The following SFXN3 variants were observed in gnomAD, a reference collection of about 807,000 sequenced individuals.
SFXN3 encodes sideroflexin-3.
In SFXN3, 31 loss-of-function variants were observed where a neutral mutation model predicts 40.4. That is an observed-to-expected ratio of 0.77 (90% CI 0.58 to 1.04). The LOEUF (loss-of-function observed/expected upper bound fraction) is 1.04, where lower values mean the gene tolerates loss of function less well. Ranked by LOEUF, SFXN3 falls within the 50% of genes least tolerant of loss-of-function variation. SFXN3 has a pLI of 0.00. For missense variants in SFXN3, 366 were observed against 408.2 expected (o/e 0.90, Z 0.89); for synonymous variants, 157 against 160.0 (o/e 0.98, Z 0.14).
intron 4 of SFXN3, 34 bp downstream of exon 4, chr10:101,035,701 C>G: frequency 6.3e-7 from 1 of 1,583,958 alleles, no homozygotes; most frequent in Non-Finnish European, 8.6e-7. Context: ...TCTTCAGTGC[C>G]CTAAGCTAGA....
At chr10:101,040,347 A>G (rs1449930593) in exon 12 of SFXN3, 1 of 152,258 alleles carries the variant, frequency 6.6e-6, no homozygotes, top group Non-Finnish European at 1.5e-5. Flanking sequence ...GTGTGCTCTG[A>G]CATCATGACC....
rs1172431476 is a variant in SFXN3 at position 101,040,278 on chromosome 10, T to TC, written c.*698dup. On this transcript the variant is annotated 3_prime_UTR_variant, in exon 12 of 12. Transcript: ENST00000393459. ...TGTGTCCTGTACTGCCCTCGCTGTC[T>TC]CCCCCACCACCCTACTTGACAGCGT... 2.0e-5 allele frequency: 3 copies of TC among 152,412 alleles called. No homozygotes were observed. In the East Asian group the frequency reaches 5.8e-4, roughly 29 times the overall value. 9.4% of individuals were successfully genotyped at this position (152,412 alleles called of 1,614,324 possible).
intron 7 of SFXN3, 45 bp from the exon 8 acceptor site, chr10:101,037,031 G>A (rs757704169): frequency 1.2e-6 from 2 of 1,608,374 alleles, no homozygotes; most frequent in African/African-American, 2.7e-5. Flanking sequence ...CATTGCAGGT[G>A]GGATCCGGGG....
chr10:101,036,035 T>G lies in SFXN3; in HGVS notation c.365T>G (p.Val122Gly). The G allele has an allele frequency of 6.2e-7, 1 of 1,614,034 alleles. No homozygotes were observed. The highest frequency in any genetic ancestry group is 8.5e-7 in the Non-Finnish European group (1 of 1,179,984). ...CCAACCGTGGTGTTCTGGCAGTGGG[T>G]GAATCAGTCCTTCAATGCCATTGTT... Residue 122 changes from valine (V) to glycine (G), a missense_variant, in exon 5 of 12, where the codon GTG becomes GGG. Val to Gly is a moderately radical substitution (Grantham distance 109). Transcript: ENST00000393459. This position sits in a 1 kb window ranked among gnomAD's most constrained non-coding sequence, Gnocchi z 4.2.
At position 101,036,994 on chromosome 10, in the gene SFXN3, A is replaced by G; in HGVS notation, c.594-82A>G. ...CTTTGAGCCTGGGGTGTGTGAGGGG[A>G]CCCTGAGGAGCCGCTGCTCATTCGG... is the stretch of plus-strand genomic sequence containing the variant. On this transcript the variant is annotated intron_variant, in intron 7 of 11. Transcript: ENST00000393459. This position sits in a 1 kb window ranked among gnomAD's most constrained non-coding sequence, Gnocchi z 4.2. 1 of 1,575,964 alleles carries G rather than the reference A, an allele frequency of 6.3e-7. No individual in the cohort carries two copies. The highest frequency in any genetic ancestry group is 2.3e-5 in the East Asian group (1 of 44,188).
In SFXN3 at chr10:101,037,101, G is replaced by A. The variant is rs1271432080; in HGVS notation, c.619G>A (p.Ala207Thr). 1.9e-6 allele frequency: 3 copies of A among 1,613,810 alleles called. No individual in the cohort carries two copies. In the African/African-American group the frequency reaches 4.0e-5, roughly 22 times the overall value. The change falls in exon 8 of 12, where the codon GCT becomes ACT. Residue 207 changes from alanine to threonine, a missense_variant. By Grantham distance (58) the Ala-to-Thr change is moderately conservative (BLOSUM62 0). Transcript: ENST00000393459. ...AGAGCTGCAGGTGGGCATCCCGGTG[G>A]CTGATGAGGCAGGTCAGAGGCTTGG...
intron 3 of SFXN3, among the ~76,000 whole-genome samples, chr10:101,035,197 C>T (rs563870636): frequency 6.6e-6 from 1 of 152,364 alleles, no homozygotes; most frequent in East Asian, 1.9e-4. Context: ...GGAGGAAAAA[C>T]TCTTGCAATG....
intron 1 of SFXN3, chr10:101,032,112 C>T (rs1197022282): frequency 3.8e-6 from 1 of 261,464 alleles, no homozygotes; most frequent in Non-Finnish European, 7.2e-6. Context: ...CCGCTTGCTG[C>T]AGGGCTGGGG....
chr10:101,037,729 CT>C, intron 9 of SFXN3: 1 of 1,346,004 alleles, frequency 7.4e-7, no homozygotes, highest in South Asian at 1.7e-5. Context: ...CATGCTCATT[CT>C]TTTACCCCCT....
Position 101,039,548 on chromosome 10 carries a change from C to G in SFXN3, c.929C>G (p.Pro310Arg). 6.2e-7 allele frequency: 1 copy of G among 1,614,114 alleles called. No individual in the cohort carries two copies. Residue 310 changes from proline (P) to arginine (R), a missense_variant, in exon 12 of 12, where the codon CCC (proline) becomes CGC (arginine). Pro to Arg is a moderately radical substitution (Grantham distance 103). Coordinates refer to ENST00000393459, the Ensembl canonical transcript of SFXN3. This position sits in a 1 kb window ranked among gnomAD's most constrained non-coding sequence, Gnocchi z 4.6. ...AGAGCTCAGATCCATGAGCAAAACC[C>G]CAGCGTTGAAGTGGTCTACTACAAC...
chr10:101,037,071 T>G lies in SFXN3; in HGVS notation c.594-5T>G. On this transcript the variant is annotated splice_region_variant and splice_polypyrimidine_tract_variant and intron_variant, in intron 7 of 11. Coordinates refer to ENST00000393459, the Ensembl canonical transcript of SFXN3. ...TGATCTGACCCCAACCCCCCTCCCT[T>G]GCAGAGAGCTGCAGGTGGGCATCCC... 6.2e-7 allele frequency: 1 copy of G among 1,613,524 alleles called. No homozygotes were observed. Among genetic ancestry groups the G allele is most frequent in the East Asian group, 2.2e-5 (1 of 44,862 alleles).
At chr10:101,038,180 A>C in intron 9 of SFXN3, 466 of 529,278 alleles carry the variant, frequency 8.8e-4, no homozygotes, top group Middle Eastern at 2.5e-3. Context: ...GTGCAAGGGC[A>C]CTGCAGTAGG....
chr10:101,037,373 T>TC lies in SFXN3; in HGVS notation c.722-5dup. 3 of 1,614,060 alleles carry TC rather than the reference T, an allele frequency of 1.9e-6. No individual in the cohort carries two copies. The highest frequency in any genetic ancestry group is 2.5e-6 in the Non-Finnish European group (3 of 1,180,022). On this transcript the variant is annotated splice_polypyrimidine_tract_variant and intron_variant, in intron 8 of 11. Transcript: ENST00000393459. ...AATGTTCTCCTTCTTGGCCCTGCTC[T>TC]CCCCACAGCCATCCCACCACTGATC...
intron 3 of SFXN3, 42 bp from the exon 4 acceptor site, chr10:101,035,455 G>A (rs746606449): frequency 6.4e-7 from 1 of 1,563,944 alleles, no homozygotes; most frequent in Non-Finnish European, 8.7e-7. Context: ...GGGCAGATCT[G>A]CCCCCTGGCA....
chr10:101,037,741 A>C, intron 9 of SFXN3: 2 of 1,321,086 alleles, frequency 1.5e-6, no homozygotes, highest in Non-Finnish European at 1.9e-6. Flanking sequence ...TTTACCCCCT[A>C]GTGCCTCCAT....
In SFXN3 at chr10:101,037,400, T is replaced by C. The variant is rs201984135; in HGVS notation, c.740T>C (p.Met247Thr). ...CCCACAGCCATCCCACCACTGATCA[T>C]GGACACTCTGGAGAAGAAAGACTTC... The change falls in exon 9 of 12, where the codon ATG (methionine) becomes ACG (threonine). Residue 247 changes from methionine (M) to threonine (T), a missense_variant. Transcript: ENST00000393459. 3.1e-6 allele frequency: 5 copies of C among 1,614,072 alleles called. No individual in the cohort carries two copies. The Admixed American group carries it at 5.0e-5, about 16-fold the overall frequency.
Position 101,038,635 on chromosome 10 carries a change from C to T in SFXN3, c.772-8C>T, listed in dbSNP as rs759170028. ...AAGCCGTTCCATTGTCTTTCTGTCT[C>T]TCCACAGCGCCGCCCCTGGCTGGGG... On this transcript the variant is annotated splice_region_variant and splice_polypyrimidine_tract_variant and intron_variant, in intron 9 of 11. Transcript: ENST00000393459. 23 of 1,613,732 alleles carry T rather than the reference C, an allele frequency of 1.4e-5. No homozygotes were observed. In the African/African-American group the frequency reaches 1.9e-4, roughly 13 times the overall value.
exon 8 of SFXN3, chr10:101,037,078 A>G: frequency 6.2e-7 from 1 of 1,613,684 alleles, no homozygotes. Flanking sequence ...CCTTGCAGAG[A>G]GCTGCAGGTG....
chr10:101,035,757 G>C, intron 4 of SFXN3, 90 bp downstream of exon 4: 2 of 1,492,502 alleles, frequency 1.3e-6, no homozygotes, highest in Admixed American at 4.0e-5. Flanking sequence ...AACTGGGTGA[G>C]TGAAAGATTG....
Sources: allele counts gnomAD v4.1 joint callset (sites outside exome capture counted in the v4.1 genomes callset), GRCh38; gene constraint gnomAD v4.1.1; non-coding constraint Gnocchi (gnomAD v3.1); transcripts MANE v1.5; gene names NCBI Gene and HGNC (gene_info 2026-07-23, HGNC 2026-07-21).